The following SATB1 variants were observed in gnomAD, a reference collection of about 807,000 sequenced individuals.
SATB1 encodes the protein DNA-binding protein SATB1.
A neutral mutation model predicts 86.9 loss-of-function variants in SATB1; 11 were observed. The ratio of observed to expected loss-of-function variants is 0.13; its 90% CI spans 0.08 to 0.21. The LOEUF is 0.21. Among genes scored for constraint, SATB1 ranks in the 10% least tolerant of loss-of-function variants. The pLI, the probability that SATB1 is intolerant of heterozygous loss-of-function variation, is 1.00. For synonymous variants in SATB1, 357 were observed against 357.2 expected (o/e 1.00, Z 0.01); for missense variants, 551 against 937.6 (o/e 0.59, Z 5.39).
chr3:18,374,327 T>C (rs1695630208), intron 9 of SATB1, among the ~76,000 whole-genome samples: 1 of 152,220 alleles, frequency 6.6e-6, no homozygotes, highest in African/African-American at 2.4e-5. Flanking sequence ...TGAACCTTGA[T>C]ACTGTAATGG....
intron 9 of SATB1, among the ~76,000 whole-genome samples, chr3:18,368,542 G>A (rs1275413431): frequency 6.6e-6 from 1 of 151,914 alleles, no homozygotes; most frequent in African/African-American, 2.4e-5. Context: ...AAAGAAACAC[G>A]ACATGAGGAA....
chr3:18,416,992 G>A lies in SATB1; in HGVS notation c.298C>T (p.Leu100=), dbSNP rs199813083. Residue 100 remains leucine, a synonymous_variant, in exon 3 of 11, where the codon CTG becomes TTG. Transcript: ENST00000338745. Reference sequence around the variant, plus strand: ...TTGAAAAGCATATCCTTTCTCACCAGCACAAATTCTGCATGCTCCTCCTTG... The same window carrying A: ...TTGAAAAGCATATCCTTTCTCACCAACACAAATTCTGCATGCTCCTCCTTG... The part of the protein sequence containing the change: ...DCKEEHAEFV[L]VRKDMLFNQL... 1.1e-4 allele frequency: 183 copies of A among 1,613,476 alleles called. No individual in the cohort carries two copies. Among genetic ancestry groups the A allele is most frequent in the Non-Finnish European group, 1.4e-4 (171 of 1,179,682 alleles).
In SATB1 at chr3:18,397,276, G is replaced by A; in HGVS notation, c.654C>T (p.Ser218=). ...TTGCATAGTAAGTACTGTTCACAAT[G>A]GAAGAAATCATACTCTGCATGAAGA... The part of the protein sequence containing the change: ...ECPLSQSMIS[S]IVNSTYYANV... Residue 218 remains serine (S), a synonymous_variant, in exon 6 of 11, where the codon TCC becomes TCT. Coordinates refer to ENST00000338745, the MANE Select transcript of SATB1 (RefSeq NM_002971.6). 6.3e-7 allele frequency: 1 copy of A among 1,597,890 alleles called. No individual in the cohort carries two copies. Among genetic ancestry groups the A allele is most frequent in the Non-Finnish European group, 8.6e-7 (1 of 1,165,506 alleles).
At chr3:18,365,796 G>A (rs149513388) in intron 9 of SATB1, among the ~76,000 whole-genome samples, 2 of 152,232 alleles carry the variant, frequency 1.3e-5, no homozygotes, top group Non-Finnish European at 2.9e-5. Context: ...GTTATCCAGG[G>A]TCCAAGCTAT....
At chr3:18,360,034 A>AG (rs1160527303) in intron 9 of SATB1, among the ~76,000 whole-genome samples, 1 of 152,106 alleles carries the variant, frequency 6.6e-6, no homozygotes, top group East Asian at 1.9e-4. Context: ...AAAGCTTTTA[A>AG]GTAATCATTC....
At chr3:18,432,652 A>G (rs539319619) in intron 2 of SATB1, among the ~76,000 whole-genome samples, 2 of 151,984 alleles carry the variant, frequency 1.3e-5, no homozygotes, top group African/African-American at 2.4e-5. Context: ...ACTAAAGCAC[A>G]TTGTATTTGG....
chr3:18,434,532 T>A (rs1698997536), intron 2 of SATB1, among the ~76,000 whole-genome samples: 1 of 151,980 alleles, frequency 6.6e-6, no homozygotes, highest in Non-Finnish European at 1.5e-5. Flanking sequence ...AGAGGTAGTA[T>A]AATACCCCTA....
chr3:18,438,848 G>A (rs1474084964), upstream of SATB1: 1 of 152,808 alleles, frequency 6.5e-6, no homozygotes, highest in Non-Finnish European at 1.5e-5. Flanking sequence ...GGTGCGGGGG[G>A]CGGGCAGCTT....
At chr3:18,405,442 C>T (rs1339767039) in intron 5 of SATB1, among the ~76,000 whole-genome samples, 2 of 151,864 alleles carry the variant, frequency 1.3e-5, no homozygotes, top group African/African-American at 4.8e-5. Context: ...ACCCTTAAAC[C>T]ACAGAGCGAA....
intron 7 of SATB1, among the ~76,000 whole-genome samples, chr3:18,392,428 T>A (rs940977041): frequency 7.2e-5 from 11 of 152,124 alleles, no homozygotes; most frequent in Admixed American, 7.2e-4. Context: ...GGGTGACAAC[T>A]TTATCCTCAC....
rs945554300 is a variant in SATB1, at chr3:18,443,904, C to T, written c.-25+1614G>A. On this transcript the variant is annotated intron_variant, in intron 1 of 3. Transcript: ENST00000415069. The surrounding 1 kb of genome is among the most constrained non-coding windows in gnomAD (Gnocchi z 4.4). ...ACGCCAGCAGCCTCTCCAGGACCGG[C>T]CTCGCTACAGCCAGCGAGGGCTCGA... Among the ~76,000 whole-genome samples, 18 of 152,212 alleles carry T rather than the reference C, an allele frequency of 1.2e-4. No homozygotes were observed. Among genetic ancestry groups the T allele is most frequent in the African/African-American group, 1.7e-4 (7 of 41,464 alleles).
intron 7 of SATB1, among the ~76,000 whole-genome samples, chr3:18,391,940 C>CA (rs1343284193): frequency 3.3e-5 from 5 of 152,154 alleles, no homozygotes; most frequent in Admixed American, 3.3e-4. Context: ...CCTGCATGTG[C>CA]AAAAGTTAGT....
Position 18,394,732 on chromosome 3 carries a change from G to A in SATB1, c.936C>T (p.Ile312=), listed in dbSNP as rs1696871692. The part of the protein sequence containing the change: ...NLHPGLVSTP[I]SPQLVNQQLV... ...GCTGCTGGTTGACCAATTGAGGACT[G>A]ATAGGTGTTGATACGAGCCCAGGGT... The change falls in exon 7 of 11, where the codon ATC becomes ATT. Residue 312 remains isoleucine, a synonymous_variant. Coordinates refer to ENST00000338745, the MANE Select transcript of SATB1 (RefSeq NM_002971.6). The surrounding 1 kb of genome is among the most constrained non-coding windows in gnomAD (Gnocchi z 5.9). 1 of 1,614,028 alleles carries A rather than the reference G, an allele frequency of 6.2e-7. No individual in the cohort carries two copies. The highest frequency in any genetic ancestry group is 1.1e-5 in the South Asian group (1 of 91,070).
chr3:18,356,689 C>CT (rs1192766693), intron 9 of SATB1, among the ~76,000 whole-genome samples: 1 of 151,868 alleles, frequency 6.6e-6, no homozygotes, highest in Non-Finnish European at 1.5e-5. Context: ...AACTCAATCT[C>CT]TGATTTCCAC....
At chr3:18,356,578 A>C (rs1445227336) in intron 9 of SATB1, among the ~76,000 whole-genome samples, 3 of 151,862 alleles carry the variant, frequency 2.0e-5, no homozygotes, top group Non-Finnish European at 4.4e-5. Context: ...GCAGTTCTAA[A>C]CTCAATATTC....
At chr3:18,351,877 T>G (rs1206301981) in intron 10 of SATB1, 115 bp downstream of exon 10, 4 of 935,588 alleles carry the variant, frequency 4.3e-6, no homozygotes, top group African/African-American at 3.3e-5. Context: ...TATTGTTATC[T>G]CTTGCTAAAA....
At chr3:18,398,225 T>C (rs1365539172) in intron 5 of SATB1, among the ~76,000 whole-genome samples, 2 of 152,272 alleles carry the variant, frequency 1.3e-5, no homozygotes, top group African/African-American at 4.8e-5. Flanking sequence ...TTTAAATCAT[T>C]TTCAATCTTC....
exon 1 of SATB1, chr3:18,445,554 T>G (rs760296310): frequency 1.0e-6 from 1 of 984,110 alleles, no homozygotes; most frequent in Non-Finnish European, 1.2e-6. Context: ...CTCCTCCTCT[T>G]GTCGCCTGCG....
At chr3:18,436,871 T>C (rs1021232515) in exon 2 of SATB1, 1 of 152,202 alleles carries the variant, frequency 6.6e-6, no homozygotes, top group Non-Finnish European at 1.5e-5. Context: ...GGTTACAAGA[T>C]CTACAAATTC....
Sources: gnomAD v4.1 joint callset for allele counts (sites outside exome capture counted in the v4.1 genomes callset) on GRCh38, gnomAD v4.1.1 for gene constraint, Gnocchi (gnomAD v3.1) non-coding constraint, MANE v1.5 for transcripts, NCBI Gene and HGNC (gene_info 2026-07-23, HGNC 2026-07-21) for gene names.